Variants in ABCC1 observed in about 807,000 individuals in gnomAD.
ABCC1 encodes multidrug resistance-associated protein 1.
A neutral mutation model predicts 172.9 loss-of-function variants in ABCC1; 83 were observed. The ratio of observed to expected loss-of-function variants is 0.48; its 90% confidence interval spans 0.40 to 0.58. The LOEUF (loss-of-function observed/expected upper bound fraction) is 0.58, where lower values mean the gene tolerates loss of function less well. Ranked by LOEUF, ABCC1 falls within the 20% of genes least tolerant of loss-of-function variation. The pLI, the probability that ABCC1 is intolerant of heterozygous loss-of-function variation, is 0.00. For synonymous variants in ABCC1, 937 were observed against 825.2 expected (o/e 1.14, Z -2.32); for missense variants, 1,817 against 2,002.7 (o/e 0.91, Z 1.77).
intron 1 of ABCC1, among the ~76,000 whole-genome samples, chr16:15,975,444 G>T (rs972921436): frequency 2.0e-5 from 3 of 152,112 alleles, no homozygotes; most frequent in African/African-American, 7.2e-5. Context: ...AGGATTGTTG[G>T]GTGAAAATGG....
intron 2 of ABCC1, among the ~76,000 whole-genome samples, chr16:16,009,510 G>A (rs2047686823): frequency 1.3e-5 from 2 of 152,148 alleles, no homozygotes; most frequent in African/African-American, 4.8e-5. Flanking sequence ...CAGGCACCGG[G>A]GAGCATGGTG....
intron 19 of ABCC1, among the ~76,000 whole-genome samples, chr16:16,101,816 G>A (rs1386981146): frequency 6.6e-6 from 1 of 152,208 alleles, no homozygotes; most frequent in Non-Finnish European, 1.5e-5. Flanking sequence ...TGTCATTGTT[G>A]ATGTTCCGGT....
At chr16:15,988,292 C>T (rs1331235268) in intron 1 of ABCC1, among the ~76,000 whole-genome samples, 1 of 152,168 alleles carries the variant, frequency 6.6e-6, no homozygotes, top group Non-Finnish European at 1.5e-5. Flanking sequence ...CACATGTCTT[C>T]ATATCCTCTC....
chr16:16,039,150 G>T (rs1487578403), intron 7 of ABCC1, among the ~76,000 whole-genome samples: 1 of 151,846 alleles, frequency 6.6e-6, no homozygotes, highest in Non-Finnish European at 1.5e-5. Context: ...TTTGGAGAAT[G>T]ATGGTGTTGG....
intron 12 of ABCC1, among the ~76,000 whole-genome samples, chr16:16,065,293 C>T (rs1386229581): frequency 6.6e-6 from 1 of 152,142 alleles, no homozygotes; most frequent in Non-Finnish European, 1.5e-5. Context: ...ATGGGGGCCT[C>T]ACTCTGTTAC....
chr16:16,085,656 T>G (rs2050977775), intron 17 of ABCC1, among the ~76,000 whole-genome samples: 1 of 152,190 alleles, frequency 6.6e-6, no homozygotes, highest in African/African-American at 2.4e-5. Flanking sequence ...GCCGTGCACC[T>G]GTGGTCCCAG....
At position 16,108,762 on chromosome 16, in the gene ABCC1, A is replaced by AT. The variant is rs568849912; in HGVS notation, c.2871+1896dup. ...ATGTGTGCACCCCCACGCTTGACTAATTTTTTTAATTTTTTTGTGGAGATG... is the reference window on the plus strand; with the variant it reads ...ATGTGTGCACCCCCACGCTTGACTAATTTTTTTTAATTTTTTTGTGGAGATG... On this transcript the variant is annotated intron_variant, in intron 21 of 30. Coordinates refer to ENST00000399410, the MANE Select transcript of ABCC1 (RefSeq NM_004996.4). Among the ~76,000 whole-genome samples the AT allele has an allele frequency of 2.3e-3, 353 of 151,454 alleles. 4 individuals are homozygous for AT. Among genetic ancestry groups the AT allele is most frequent in the African/African-American group, 8.2e-3 (339 of 41,254 alleles).
Position 16,128,215 on chromosome 16 carries a change from C to T in ABCC1, c.3819+2304C>T, listed in dbSNP as rs960365550. ...TTTTGTTTGTTTGAGACTTAAGTCT[C>T]GCTCCAGCCTGGAGTGCAGTGGCAT... On this transcript the variant is annotated intron_variant, in intron 26 of 30. Coordinates refer to ENST00000399410, the MANE Select transcript of ABCC1 (RefSeq NM_004996.4). 4.7e-5 allele frequency among the ~76,000 whole-genome samples: 7 copies of T among 149,786 alleles called. No homozygotes were observed. In the South Asian group the frequency reaches 6.3e-4, roughly 14 times the overall value.
chr16:16,022,400 C>T (rs1397117419), intron 5 of ABCC1, among the ~76,000 whole-genome samples: 1 of 152,136 alleles, frequency 6.6e-6, no homozygotes, highest in East Asian at 1.9e-4. Flanking sequence ...CCCCAGTCTC[C>T]TGCCTTTTTT....
chr16:16,039,805 T>C (rs1163974971), intron 7 of ABCC1, among the ~76,000 whole-genome samples: 1 of 152,104 alleles, frequency 6.6e-6, no homozygotes, highest in Non-Finnish European at 1.5e-5. Context: ...GAGCCTTGTG[T>C]GTATCTGGGG....
intron 26 of ABCC1, among the ~76,000 whole-genome samples, chr16:16,127,726 C>T (rs2045496399): frequency 6.6e-6 from 1 of 152,090 alleles, no homozygotes; most frequent in African/African-American, 2.4e-5. Flanking sequence ...TAAGGTCTGT[C>T]CTCCTGAGGA....
chr16:16,122,609 C>T (rs1461637309), intron 24 of ABCC1, among the ~76,000 whole-genome samples: 1 of 151,254 alleles, frequency 6.6e-6, no homozygotes, highest in Non-Finnish European at 1.5e-5. Flanking sequence ...GGCCAGATGT[C>T]ATGGCTCACG....
chr16:16,126,894 T>C (rs1439847821), intron 26 of ABCC1, among the ~76,000 whole-genome samples: 1 of 152,144 alleles, frequency 6.6e-6, no homozygotes, highest in Admixed American at 6.6e-5. Context: ...CCTGCCGTTA[T>C]TGAACCCCAG....
chr16:15,975,331 TTGGGAG>T (rs2046460789), intron 1 of ABCC1, among the ~76,000 whole-genome samples: 1 of 152,188 alleles, frequency 6.6e-6, no homozygotes, highest in Non-Finnish European at 1.5e-5. Flanking sequence ...TCTTAGGTGC[TTGGGAG>T]TTCTCCTGGT....
chr16:15,979,226 G>A (rs999184140), intron 1 of ABCC1, among the ~76,000 whole-genome samples: 5 of 152,034 alleles, frequency 3.3e-5, no homozygotes, highest in African/African-American at 1.2e-4. Flanking sequence ...GGGAGGCGGA[G>A]GTTGCAGTGA....
chr16:16,037,791 T>C (rs1384408485), intron 7 of ABCC1, among the ~76,000 whole-genome samples: 1 of 152,146 alleles, frequency 6.6e-6, no homozygotes, highest in African/African-American at 2.4e-5. Flanking sequence ...CAGACCCAGA[T>C]GGTGGGTGGG....
chr16:16,106,728 G>A lies in ABCC1; in HGVS notation c.2736-10G>A, dbSNP rs990834847. On this transcript the variant is annotated splice_polypyrimidine_tract_variant and intron_variant, in intron 20 of 30. Coordinates refer to ENST00000399410, the MANE Select transcript of ABCC1 (RefSeq NM_004996.4). ...TGTACGGTTGACACCCTTGTGCTTT[G>A]CTTCTCCAGACAGCTCAGCAGCTCC... The A allele has an allele frequency of 1.2e-6, 2 of 1,613,746 alleles. No individual in the cohort carries two copies. The highest frequency in any genetic ancestry group is 1.7e-6 in the Non-Finnish European group (2 of 1,180,038).
intron 1 of ABCC1, among the ~76,000 whole-genome samples, chr16:15,960,451 T>C (rs1380635847): frequency 6.6e-6 from 1 of 152,208 alleles, no homozygotes; most frequent in Non-Finnish European, 1.5e-5. Flanking sequence ...TCAGTCATTA[T>C]TAATTGAGCA....
chr16:16,047,993 C>T (rs183090850), intron 9 of ABCC1, 149 bp from the exon 10 acceptor site: 82 of 1,036,008 alleles, frequency 7.9e-5, no homozygotes, highest in Non-Finnish European at 1.1e-4. Flanking sequence ...CACAGGCGTC[C>T]TGGGCAGACA....
Sources: gnomAD v4.1 joint callset for allele counts (sites outside exome capture counted in the v4.1 genomes callset) on GRCh38, gnomAD v4.1.1 for gene constraint, MANE v1.5 for transcripts, NCBI Gene and HGNC (gene_info 2026-07-23, HGNC 2026-07-21) for gene names.